Variants in CAMK4 observed in about 807,000 individuals in gnomAD.
The protein encoded by CAMK4 is calcium/calmodulin dependent protein kinase IV.
In CAMK4, 22 loss-of-function variants were observed where a neutral mutation model predicts 44.9. That is an observed-to-expected ratio of 0.49 (90% CI 0.35 to 0.70). The LOEUF is 0.70. Ranked by LOEUF, CAMK4 falls within the 30% of genes least tolerant of loss-of-function variation. The probability of loss-of-function intolerance (pLI) is 0.01; values close to 1 mark genes in which losing one functional copy is unlikely to be tolerated. For synonymous variants in CAMK4, 218 were observed against 215.4 expected (o/e 1.01, Z -0.11); for missense variants, 498 against 586.8 (o/e 0.85, Z 1.56).
At chr5:111,378,360 G>A (rs2112830194) in intron 4 of CAMK4, among the ~76,000 whole-genome samples, 1 of 152,160 alleles carries the variant, frequency 6.6e-6, no homozygotes, top group Non-Finnish European at 1.5e-5. Context: ...AGCTCAAATG[G>A]ACTAAGACAC....
chr5:111,380,219 A>G (rs1233446145), intron 4 of CAMK4, among the ~76,000 whole-genome samples: 1 of 152,132 alleles, frequency 6.6e-6, no homozygotes, highest in African/African-American at 2.4e-5. Flanking sequence ...AATTAAATCA[A>G]AAGTATTTTT....
intron 5 of CAMK4, among the ~76,000 whole-genome samples, chr5:111,405,140 A>T (rs960437005): frequency 2.6e-5 from 4 of 152,236 alleles, no homozygotes; most frequent in Non-Finnish European, 5.9e-5. Context: ...GTCAGAAAAT[A>T]TCTTGCCAGA....
chr5:111,449,330 A>G, intron 7 of CAMK4, 127 bp downstream of exon 7: 3 of 513,044 alleles, frequency 5.8e-6, no homozygotes, highest in South Asian at 3.5e-5. Flanking sequence ...GCAAATCTCT[A>G]TGAGGAAGGC....
intron 1 of CAMK4, among the ~76,000 whole-genome samples, chr5:111,281,985 G>C (rs2112606136): frequency 6.6e-6 from 1 of 151,994 alleles, no homozygotes; most frequent in Admixed American, 6.5e-5. Flanking sequence ...GTGAACCCCA[G>C]GGGGCGGAGG....
At chr5:111,424,247 C>T (rs1580733657) in intron 5 of CAMK4, among the ~76,000 whole-genome samples, 1 of 152,148 alleles carries the variant, frequency 6.6e-6, no homozygotes, top group South Asian at 2.1e-4. Context: ...AGTCATACAC[C>T]TTTAAAAGAC....
intron 3 of CAMK4, among the ~76,000 whole-genome samples, chr5:111,376,225 A>G (rs1268449874): frequency 6.6e-6 from 1 of 151,982 alleles, no homozygotes; most frequent in Non-Finnish European, 1.5e-5. Context: ...CCTCAAGTGT[A>G]GACTAGTCCT....
chr5:111,315,835 T>C (rs1748398628), intron 1 of CAMK4, among the ~76,000 whole-genome samples: 1 of 152,136 alleles, frequency 6.6e-6, no homozygotes, highest in Non-Finnish European at 1.5e-5. Context: ...GCTAGATAAC[T>C]GTCACCTGAG....
intron 8 of CAMK4, among the ~76,000 whole-genome samples, chr5:111,474,240 A>G (rs554060451): frequency 2.6e-4 from 40 of 152,382 alleles, no homozygotes; most frequent in African/African-American, 8.2e-4. Context: ...TAGGTATACT[A>G]GTCTACCTGG....
At position 111,484,322 on chromosome 5, in the gene CAMK4, G is replaced by C; in HGVS notation, c.1278G>C (p.Lys426Asn). 1.2e-6 allele frequency: 2 copies of C among 1,614,016 alleles called. No homozygotes were observed. The highest frequency in any genetic ancestry group is 1.7e-6 in the Non-Finnish European group (2 of 1,179,986). ...CCAAGGCAGTGGAGGATGGGATAAA[G>C]GTGGCTGACCTGGAACTAGAGGAGG... ...MVPKAVEDGI[K>N]VADLELEEGL... is the part of the protein sequence containing the mutation. The change falls in exon 11 of 11, where the codon AAG (lysine) becomes AAC (asparagine). Residue 426 changes from lysine to asparagine, a missense_variant. By Grantham distance (94) the Lys-to-Asn change is moderately conservative (BLOSUM62 0). Transcript: ENST00000282356. This position sits in a 1 kb window ranked among gnomAD's most constrained non-coding sequence, Gnocchi z 5.3.
intron 1 of CAMK4, among the ~76,000 whole-genome samples, chr5:111,236,257 A>T (rs1013517049): frequency 6.6e-6 from 1 of 152,260 alleles, no homozygotes; most frequent in Non-Finnish European, 1.5e-5. Context: ...AGTTCAGTTT[A>T]TACAGCCTTG....
At chr5:111,369,654 G>T (rs1414839944) in intron 2 of CAMK4, among the ~76,000 whole-genome samples, 2 of 151,894 alleles carry the variant, frequency 1.3e-5, no homozygotes, top group South Asian at 4.1e-4. Flanking sequence ...TTTGAAGTAC[G>T]GTCATTCCTC....
At chr5:111,410,577 C>T (rs1200209196) in intron 5 of CAMK4, among the ~76,000 whole-genome samples, 1 of 152,030 alleles carries the variant, frequency 6.6e-6, no homozygotes, top group Non-Finnish European at 1.5e-5. Flanking sequence ...AATTTTTTTC[C>T]TTACTCTGTG....
At chr5:111,246,001 G>A (rs1471433989) in intron 1 of CAMK4, among the ~76,000 whole-genome samples, 1 of 152,170 alleles carries the variant, frequency 6.6e-6, no homozygotes, top group Non-Finnish European at 1.5e-5. Flanking sequence ...ATATAGAGCA[G>A]GGATTTCTAA....
At chr5:111,470,142 A>C (rs1755012384) in intron 7 of CAMK4, among the ~76,000 whole-genome samples, 1 of 152,212 alleles carries the variant, frequency 6.6e-6, no homozygotes, top group Non-Finnish European at 1.5e-5. Flanking sequence ...ATGGCAGCAT[A>C]ATCTGAGTTC....
chr5:111,377,044 A>G (rs1580672159), intron 4 of CAMK4, 102 bp downstream of exon 4: 1 of 688,086 alleles, frequency 1.5e-6, no homozygotes, highest in Non-Finnish European at 2.5e-6. Flanking sequence ...ATGACAGATT[A>G]TACTTGTTGA....
At chr5:111,391,073 G>A (rs910683167) in intron 4 of CAMK4, among the ~76,000 whole-genome samples, 1 of 152,136 alleles carries the variant, frequency 6.6e-6, no homozygotes, top group Admixed American at 6.6e-5. Context: ...CTGCAGTAAG[G>A]TCTAAAAAGC....
chr5:111,418,903 A>G (rs535491951), intron 5 of CAMK4, among the ~76,000 whole-genome samples: 12 of 152,282 alleles, frequency 7.9e-5, no homozygotes, highest in Non-Finnish European at 1.3e-4. Flanking sequence ...CAATAAACAT[A>G]TGTGTGCATG....
intron 1 of CAMK4, among the ~76,000 whole-genome samples, chr5:111,265,333 C>T (rs893769253): frequency 2.0e-5 from 3 of 152,202 alleles, no homozygotes; most frequent in Non-Finnish European, 2.9e-5. Context: ...TGGTTTTATA[C>T]TTCATGTAGC....
chr5:111,472,317 G>T (rs1436111610), intron 7 of CAMK4, among the ~76,000 whole-genome samples: 1 of 152,018 alleles, frequency 6.6e-6, no homozygotes, highest in Non-Finnish European at 1.5e-5. Flanking sequence ...CATCCCCAAG[G>T]CCTTCCTCAA....
Sources: gnomAD v4.1 joint callset for allele counts (sites outside exome capture counted in the v4.1 genomes callset) on GRCh38, gnomAD v4.1.1 for gene constraint, Gnocchi (gnomAD v3.1) non-coding constraint, MANE v1.5 for transcripts, NCBI Gene and HGNC (gene_info 2026-07-23, HGNC 2026-07-21) for gene names.